Variants in SNX7 observed in about 807,000 individuals in gnomAD.
The protein encoded by SNX7 is sorting nexin 7.
SNX7 carries 35 observed loss-of-function variants against 48.4 expected under a neutral mutation model. That is an observed-to-expected ratio of 0.72 (90% CI 0.55 to 0.96). The LOEUF (loss-of-function observed/expected upper bound fraction) is 0.96. SNX7 is among the 40% of genes least tolerant of loss of function. The probability of loss-of-function intolerance (pLI) is 0.00; values close to 1 mark genes in which losing one functional copy is unlikely to be tolerated. For missense variants in SNX7, 553 were observed against 548.9 expected, an observed-to-expected ratio of 1.01 and a Z score of -0.07; for synonymous variants, 190 against 190.2, an observed-to-expected ratio of 1.00 and a Z score of 0.01.
intron 7 of SNX7, among the ~76,000 whole-genome samples, chr1:98,732,987 G>A (rs1033882076): frequency 4.6e-5 from 7 of 152,064 alleles, no homozygotes; most frequent in African/African-American, 1.7e-4. Context: ...ATGTCAATCG[G>A]TGTATCCATA....
chr1:98,747,584 A>G (rs1204960443), intron 8 of SNX7, among the ~76,000 whole-genome samples: 3 of 152,174 alleles, frequency 2.0e-5, no homozygotes, highest in Non-Finnish European at 2.9e-5. Context: ...TTCACCACAG[A>G]TAGTTTAAGA....
chr1:98,678,564 G>A (rs1010211790), intron 1 of SNX7, among the ~76,000 whole-genome samples: 3 of 152,174 alleles, frequency 2.0e-5, no homozygotes, highest in Non-Finnish European at 4.4e-5. Context: ...CAGAGCTTGG[G>A]CAGGGAAATA....
intron 1 of SNX7, among the ~76,000 whole-genome samples, chr1:98,676,733 G>C (rs1023394923): frequency 1.3e-5 from 2 of 152,144 alleles, no homozygotes; most frequent in Non-Finnish European, 2.9e-5. Flanking sequence ...TCACAAAAAA[G>C]TATCTCTTCC....
intron 8 of SNX7, among the ~76,000 whole-genome samples, chr1:98,756,309 T>A (rs1234022101): frequency 6.6e-6 from 1 of 151,782 alleles, no homozygotes; most frequent in Admixed American, 6.6e-5. Context: ...CATTAGATTT[T>A]AAATACATTT....
At chr1:98,735,887 C>T (rs1299824972) in intron 7 of SNX7, among the ~76,000 whole-genome samples, 1 of 152,044 alleles carries the variant, frequency 6.6e-6, no homozygotes, top group Non-Finnish European at 1.5e-5. Flanking sequence ...CCTCTTAATC[C>T]CAATGCTGTA....
At chr1:98,749,880 A>G (rs1654499211) in intron 8 of SNX7, among the ~76,000 whole-genome samples, 1 of 152,090 alleles carries the variant, frequency 6.6e-6, no homozygotes, top group African/African-American at 2.4e-5. Flanking sequence ...TGTAGGTGAT[A>G]TCATCTGTGT....
chr1:98,752,177 C>G lies in SNX7; in HGVS notation c.1279-7877C>G, dbSNP rs61786402. 8.8e-3 allele frequency among the ~76,000 whole-genome samples: 1,337 copies of G among 151,998 alleles called. 8 individuals are homozygous for G. Among genetic ancestry groups the G allele is most frequent in the Middle Eastern group, 0.014 (4 of 294 alleles). On this transcript the variant is annotated intron_variant, in intron 8 of 8. Coordinates refer to ENST00000306121, the MANE Select transcript of SNX7 (RefSeq NM_015976.5). ...TTCTTTATATCCTCCAATTATGATC[C>G]TGAGGACAGTAAATACTCACTGTAA... is the stretch of plus-strand genomic sequence containing the variant.
chr1:98,716,585 TA>T (rs1652602551), intron 7 of SNX7, among the ~76,000 whole-genome samples: 1 of 152,062 alleles, frequency 6.6e-6, no homozygotes, highest in African/African-American at 2.4e-5. Flanking sequence ...GATGATGGCA[TA>T]AAAAAAGAAG....
intron 1 of SNX7, chr1:98,662,685 CCTTT>C: frequency 7.8e-7 from 1 of 1,289,164 alleles, no homozygotes; most frequent in Non-Finnish European, 1.0e-6. Flanking sequence ...AAGAAAAATA[CCTTT>C]CTTGCAGGGA....
chr1:98,678,753 G>A (rs74110428), intron 1 of SNX7, among the ~76,000 whole-genome samples: 1,860 of 152,216 alleles, frequency 0.012, 31 homozygotes, highest in African/African-American at 0.042. Context: ...GAATAAAATA[G>A]GAATCTGTGA....
chr1:98,719,017 A>T (rs12084024), intron 7 of SNX7, among the ~76,000 whole-genome samples: 32,335 of 152,092 alleles, frequency 0.21, 3,727 homozygotes, highest in East Asian at 0.31. Flanking sequence ...GTTATTTGTA[A>T]GTATACCAGT....
chr1:98,680,162 C>T (rs1227861616), intron 1 of SNX7, among the ~76,000 whole-genome samples: 1 of 152,206 alleles, frequency 6.6e-6, no homozygotes, highest in Admixed American at 6.5e-5. Context: ...TGTCCCAACA[C>T]TGTGTGGAAG....
intron 6 of SNX7, 33 bp downstream of exon 6, chr1:98,698,938 C>G (rs1553200404): frequency 6.3e-7 from 1 of 1,591,106 alleles, no homozygotes; most frequent in Non-Finnish European, 8.6e-7. Context: ...TTACCTCAGT[C>G]CCTTACCTGA....
chr1:98,756,196 A>C (rs905352253), intron 8 of SNX7, among the ~76,000 whole-genome samples: 1 of 151,914 alleles, frequency 6.6e-6, no homozygotes, highest in South Asian at 2.1e-4. Context: ...GAACCTACAA[A>C]TGTGTTTTTT....
chr1:98,760,139 G>A lies in SNX7; in HGVS notation c.*8G>A. The A allele has an allele frequency of 6.3e-7, 1 of 1,587,634 alleles. No homozygotes were observed. Among genetic ancestry groups the A allele is most frequent in the East Asian group, 2.2e-5 (1 of 44,616 alleles). ...TCTGAAGATAAACCTTAATCCCATT[G>A]AGGACTTCTGTTTGATCTTTGGGAG... On this transcript the variant is annotated 3_prime_UTR_variant, in exon 9 of 9. Coordinates refer to ENST00000306121, the MANE Select transcript of SNX7 (RefSeq NM_015976.5).
chr1:98,718,335 A>G (rs971665446), intron 7 of SNX7, among the ~76,000 whole-genome samples: 3 of 152,082 alleles, frequency 2.0e-5, no homozygotes, highest in Admixed American at 6.6e-5. Context: ...TTTATCATCT[A>G]ACACTTTTAT....
At chr1:98,690,616 GA>G (rs1368688567) in intron 2 of SNX7, among the ~76,000 whole-genome samples, 2 of 151,952 alleles carry the variant, frequency 1.3e-5, no homozygotes, top group African/African-American at 4.8e-5. Context: ...CAAATTCCAA[GA>G]AAACATTTTT....
At chr1:98,757,169 C>A (rs1312679632) in intron 8 of SNX7, among the ~76,000 whole-genome samples, 2 of 152,132 alleles carry the variant, frequency 1.3e-5, no homozygotes, top group Admixed American at 1.3e-4. Context: ...ATACAGCCTG[C>A]AGAACTGTGA....
intron 1 of SNX7, among the ~76,000 whole-genome samples, chr1:98,668,253 T>C (rs1296913499): frequency 6.6e-6 from 1 of 152,204 alleles, no homozygotes; most frequent in African/African-American, 2.4e-5. Context: ...AAAACCAGTA[T>C]ACACAAATGA....
Sources: gnomAD v4.1 joint callset for allele counts (sites outside exome capture counted in the v4.1 genomes callset) on GRCh38, gnomAD v4.1.1 for gene constraint, MANE v1.5 for transcripts, NCBI Gene and HGNC (gene_info 2026-07-23, HGNC 2026-07-21) for gene names.